The following SPOP variants were observed in gnomAD, a reference collection of about 807,000 sequenced individuals.
The protein encoded by SPOP is speckle type BTB/POZ protein, also known as speckle-type POZ protein.
In SPOP, 11 loss-of-function variants were observed where a neutral mutation model predicts 45.6. The observed-to-expected ratio is 0.24, with a 90% CI of 0.15 to 0.40. The LOEUF is 0.40. Among genes scored for constraint, SPOP ranks in the 10% least tolerant of loss-of-function variants. The pLI, the probability that SPOP is intolerant of heterozygous loss-of-function variation, is 1.00. For missense variants in SPOP, 152 were observed against 465.6 expected (o/e 0.33, Z 6.20); for synonymous variants, 166 against 166.3 (o/e 1.00, Z 0.01).
At chr17:49,660,065 G>A (rs991943906) in intron 1 of SPOP, among the ~76,000 whole-genome samples, 4 of 152,232 alleles carry the variant, frequency 2.6e-5, no homozygotes, top group South Asian at 2.1e-4. Flanking sequence ...TAAGTGGTAT[G>A]GGTGCAGCCC....
In SPOP at chr17:49,618,058, G is replaced by C. The variant is rs144894483; in HGVS notation, c.480+923C>G. ...CAGGTGGTGATATGCCTTTGAAACTGTCATTAACTCACAGTGTGAGCCTAT... is the reference window on the plus strand; with the variant it reads ...CAGGTGGTGATATGCCTTTGAAACTCTCATTAACTCACAGTGTGAGCCTAT... On this transcript the variant is annotated intron_variant, in intron 5 of 9. Coordinates refer to ENST00000504102, the MANE Select transcript of SPOP (RefSeq NM_001007228.2). Among the ~76,000 whole-genome samples, 350 of 152,128 alleles carry C rather than the reference G, an allele frequency of 2.3e-3. 2 individuals are homozygous for C. The highest frequency in any genetic ancestry group is 0.01 in the Middle Eastern group (3 of 292).
chr17:49,636,702 TCTG>T (rs1483649479), intron 1 of SPOP: 2 of 152,234 alleles, frequency 1.3e-5, no homozygotes, highest in African/African-American at 4.8e-5. Flanking sequence ...TGCATTTCAT[TCTG>T]CTTTTTCCCT....
chr17:49,606,878 T>A (rs2071862890), intron 8 of SPOP, among the ~76,000 whole-genome samples: 1 of 152,144 alleles, frequency 6.6e-6, no homozygotes, highest in Non-Finnish European at 1.5e-5. Flanking sequence ...ACTGATAAAG[T>A]TTAAATACAT....
chr17:49,673,493 A>C (rs1447805584), intron 1 of SPOP, among the ~76,000 whole-genome samples: 1 of 152,110 alleles, frequency 6.6e-6, no homozygotes, highest in Non-Finnish European at 1.5e-5. Context: ...GTGACAGAGC[A>C]AGACTCTGTC....
In SPOP at chr17:49,601,949, A is replaced by C; in HGVS notation, c.896T>G (p.Val299Gly). 1 of 1,614,162 alleles carries C rather than the reference A, an allele frequency of 6.2e-7. No individual in the cohort carries two copies. The highest frequency in any genetic ancestry group is 2.2e-5 in the East Asian group (1 of 44,886). The change falls in exon 9 of 10, where the codon GTG (valine) becomes GGG (glycine). Residue 299 changes from valine to glycine, a missense_variant. Transcript: ENST00000504102. ...CEDALCSNLS[V>G]ENAAEILILA... ...GATGAGAATTTCTGCAGCGTTCTCC[A>C]CGGACAGGTTACTGCAGAGGGCATC...
rs1439825306 is a variant in SPOP at position 49,621,842 on chromosome 17, A to C, written c.200+104T>G. 16 of 1,290,652 alleles carry C rather than the reference A, an allele frequency of 1.2e-5. No individual in the cohort carries two copies. The East Asian group carries it at 3.9e-4, about 31-fold the overall frequency. The allele number at this position is 1,290,652 out of a possible 1,614,324, so 79.9% of individuals were successfully genotyped here. ...GGAAATACAGTAAGAACAAAACAAAAGTCCTGGCCTTCATGGAAATTACAT... is the reference window on the plus strand; with the variant it reads ...GGAAATACAGTAAGAACAAAACAAACGTCCTGGCCTTCATGGAAATTACAT... On this transcript the variant is annotated intron_variant, in intron 3 of 9. Transcript: ENST00000504102.
At chr17:49,655,615 G>C (rs2072898935) in intron 1 of SPOP, among the ~76,000 whole-genome samples, 1 of 151,990 alleles carries the variant, frequency 6.6e-6, no homozygotes, top group Admixed American at 6.6e-5. Context: ...TGAAATAATA[G>C]TAATTATTTA....
chr17:49,611,183 G>A (rs760574982), intron 6 of SPOP, 97 bp downstream of exon 6: 3 of 1,368,480 alleles, frequency 2.2e-6, no homozygotes, highest in East Asian at 2.3e-5. Context: ...TTGTAGTTGA[G>A]TTCAAAAAGT....
Position 49,638,526 on chromosome 17 carries a change from C to T in SPOP, c.-66-15650G>A, listed in dbSNP as rs553595721. Among the ~76,000 whole-genome samples, 8 of 151,662 alleles carry T rather than the reference C, an allele frequency of 5.3e-5. No individual in the cohort carries two copies. The East Asian group carries it at 5.8e-4, about 11-fold the overall frequency. On this transcript the variant is annotated intron_variant, in intron 1 of 9. Transcript: ENST00000504102. ...ATCACTTGAACCCCACAGTGGTTGC[C>T]GTGAACAGAGATCGCACCACTGCAC...
chr17:49,599,434 G>T lies in SPOP; in HGVS notation c.*944C>A. ...CAAACAGCTGAGCAATCTGGGCTGG[G>T]ATTTTATCACACAGCATTTTTAATT... On this transcript the variant is annotated 3_prime_UTR_variant, in exon 10 of 10. Transcript: ENST00000504102. 4.4e-6 allele frequency: 1 copy of T among 225,332 alleles called. No homozygotes were observed. Among genetic ancestry groups the T allele is most frequent in the East Asian group, 6.4e-5 (1 of 15,614 alleles). The allele number at this position is 225,332 out of a possible 1,614,324, so 14.0% of individuals were successfully genotyped here.
intron 1 of SPOP, among the ~76,000 whole-genome samples, chr17:49,624,407 GTAA>G (rs2072288108): frequency 6.6e-6 from 1 of 151,586 alleles, no homozygotes; most frequent in African/African-American, 2.4e-5. Context: ...TTTGATTATA[GTAA>G]TCATTTCACT....
In SPOP at chr17:49,657,502, G is replaced by C. The variant is rs146797307; in HGVS notation, c.-67+20431C>G. Among the ~76,000 whole-genome samples, 142 of 150,968 alleles carry C rather than the reference G, an allele frequency of 9.4e-4. 1 individual carries two copies. Among genetic ancestry groups the C allele is most frequent in the African/African-American group, 3.2e-3 (132 of 41,130 alleles). On this transcript the variant is annotated intron_variant, in intron 1 of 9. Transcript: ENST00000504102. Reference sequence around the variant, plus strand: ...CAACCTCTGCCTCCTGGGTTCTAACGATTCTCCTGCCTCGGCCTCTCGAGT... The same window carrying C: ...CAACCTCTGCCTCCTGGGTTCTAACCATTCTCCTGCCTCGGCCTCTCGAGT...
At chr17:49,668,295 C>T (rs1356527993) in intron 1 of SPOP, among the ~76,000 whole-genome samples, 1 of 151,834 alleles carries the variant, frequency 6.6e-6, no homozygotes, top group South Asian at 2.1e-4. Flanking sequence ...CTCAAAATAC[C>T]TTATGTGTAT....
Position 49,643,706 on chromosome 17 carries a change from G to A in SPOP, c.-66-20830C>T, listed in dbSNP as rs541265646. ...AGCACTTTGGGAGGCCCAGGCGGGC[G>A]GATCACTTGGGGTCAGGAGTTCAAG... On this transcript the variant is annotated intron_variant, in intron 1 of 9. Transcript: ENST00000504102. Among the ~76,000 whole-genome samples, 11 of 152,110 alleles carry A rather than the reference G, an allele frequency of 7.2e-5. No homozygotes were observed. In the South Asian group the frequency reaches 8.3e-4, roughly 11 times the overall value.
intron 1 of SPOP, among the ~76,000 whole-genome samples, chr17:49,634,536 C>T (rs2072509400): frequency 6.6e-6 from 1 of 152,162 alleles, no homozygotes; most frequent in Non-Finnish European, 1.5e-5. Context: ...TCAATGATGA[C>T]TATGAAGAAC....
chr17:49,611,053 G>A (rs1373496225), intron 6 of SPOP, among the ~76,000 whole-genome samples: 6 of 152,106 alleles, frequency 3.9e-5, no homozygotes, highest in African/African-American at 1.4e-4. Context: ...TCCATGCCTT[G>A]AAAATGATGG....
chr17:49,601,455 C>T (rs1331741619), intron 9 of SPOP: 1 of 154,602 alleles, frequency 6.5e-6, no homozygotes, highest in African/African-American at 2.4e-5. Context: ...AACAGTGAAA[C>T]CAGCTACTGA....
intron 1 of SPOP, among the ~76,000 whole-genome samples, chr17:49,668,747 A>C (rs1384730752): frequency 2.0e-5 from 3 of 151,728 alleles, no homozygotes; most frequent in Non-Finnish European, 4.4e-5. Context: ...ATATATATAG[A>C]CATATATACA....
At chr17:49,660,172 C>G (rs1240663707) in intron 1 of SPOP, among the ~76,000 whole-genome samples, 3 of 152,244 alleles carry the variant, frequency 2.0e-5, no homozygotes, top group Non-Finnish European at 4.4e-5. Context: ...ACCAACCTCT[C>G]TGACCTCATT....
Sources: gnomAD v4.1 joint callset for allele counts (sites outside exome capture counted in the v4.1 genomes callset) on GRCh38, gnomAD v4.1.1 for gene constraint, MANE v1.5 for transcripts, NCBI Gene and HGNC (gene_info 2026-07-23, HGNC 2026-07-21) for gene names.